SUB1: variants seen among roughly 807,000 people sequenced by gnomAD.
SUB1 encodes the protein activated RNA polymerase II transcriptional coactivator p15.
SUB1 carries 1 observed loss-of-function variant against 16.9 expected under a neutral mutation model. The observed-to-expected ratio is 0.06, with a 90% CI of 0.02 to 0.28. The LOEUF is 0.28. Among genes scored for constraint, SUB1 ranks in the 10% least tolerant of loss-of-function variants. SUB1 has a pLI of 1.00. For synonymous variants in SUB1, 51 were observed against 46.9 expected, an observed-to-expected ratio of 1.09 and a Z score of -0.36; for missense variants, 84 against 145.2, an observed-to-expected ratio of 0.58 and a Z score of 2.16.
At chr5:32,596,304 C>A (rs375072793) in intron 3 of SUB1, 41 of 152,212 alleles carry the variant, frequency 2.7e-4, no homozygotes, top group African/African-American at 9.7e-4. Flanking sequence ...GCCAAGACCC[C>A]TGTGGCTCCA....
intron 3 of SUB1, among the ~76,000 whole-genome samples, chr5:32,593,577 C>T (rs1185260836): frequency 2.0e-5 from 3 of 152,104 alleles, no homozygotes; most frequent in African/African-American, 7.2e-5. Flanking sequence ...TAGGAATTTT[C>T]TCACCAGAAA....
At position 32,588,604 on chromosome 5, in the gene SUB1, G is replaced by A; in HGVS notation, c.72+20G>A. 2 of 1,607,398 alleles carry A rather than the reference G, an allele frequency of 1.2e-6. No individual in the cohort carries two copies. Among genetic ancestry groups the A allele is most frequent in the South Asian group, 1.1e-5 (1 of 90,502 alleles). On this transcript the variant is annotated intron_variant, in intron 2 of 4. Coordinates refer to ENST00000265073, the MANE Select transcript of SUB1 (RefSeq NM_006713.4). ...AAAAAGGTGACTACTGCTGCACCAAGTCATTTTGGTGATACTCAACAATAT... is the reference window on the plus strand; with the variant it reads ...AAAAAGGTGACTACTGCTGCACCAAATCATTTTGGTGATACTCAACAATAT...
intron 3 of SUB1, 104 bp downstream of exon 3, chr5:32,591,789 C>T: frequency 2.3e-6 from 3 of 1,328,132 alleles, no homozygotes; most frequent in South Asian, 1.8e-5. Flanking sequence ...CAACCTCAGC[C>T]TCCTGAGTTC....
At position 32,603,929 on chromosome 5, in the gene SUB1, G is replaced by A. The variant is rs1449378016; in HGVS notation, c.*2845G>A. The A allele has an allele frequency of 6.6e-6, 1 of 151,494 alleles. No individual in the cohort carries two copies. Among genetic ancestry groups the A allele is most frequent in the South Asian group, 2.1e-4 (1 of 4,824 alleles). The allele number at this position is 151,494 out of a possible 1,614,324, so 9.4% of individuals were successfully genotyped here. ...TTAAAAGTGTTTTTCCAGATAAACT[G>A]TAGGGTGAACATTCACATAATCACA... On this transcript the variant is annotated 3_prime_UTR_variant, in exon 5 of 5. Coordinates refer to ENST00000265073, the MANE Select transcript of SUB1 (RefSeq NM_006713.4).
chr5:32,588,569 T>G lies in SUB1; in HGVS notation c.57T>G (p.Ser19Arg), dbSNP rs780323788. ...GCTCTTCTGGCAGTGATTCTGACAG[T>G]GAGGTTGACAAAAAGGTGACTACTG... is the stretch of plus-strand genomic sequence containing the variant. The part of the protein sequence containing the change: ...SSSSSGSDSD[S>R]EVDKKLKRKK... The change falls in exon 2 of 5, where the codon AGT becomes AGG. Residue 19 changes from serine (S) to arginine (R), a missense_variant. Ser to Arg is a moderately radical substitution (Grantham distance 110). Around this residue, in one of 2 missense-constraint regions of SUB1, gnomAD observed 60 missense variants for 64.9 expected, o/e 0.92. Transcript: ENST00000265073. The G allele has an allele frequency of 5.6e-6, 9 of 1,613,370 alleles. No individual in the cohort carries two copies. The highest frequency in any genetic ancestry group is 7.6e-6 in the Non-Finnish European group (9 of 1,179,568).
At chr5:32,587,322 C>G (rs1010443339) in intron 1 of SUB1, among the ~76,000 whole-genome samples, 2 of 152,098 alleles carry the variant, frequency 1.3e-5, no homozygotes, top group Admixed American at 1.3e-4. Context: ...TAGAGGTATC[C>G]ACGTATCTTG....
In SUB1 at chr5:32,588,699, C is replaced by T. The variant is rs145402046; in HGVS notation, c.72+115C>T. ...CTTAAAATGAGGATCTAGCTGGGCG[C>T]GGTGGCTCATGCCTGTTATCCTACT... On this transcript the variant is annotated intron_variant, in intron 2 of 4. Coordinates refer to ENST00000265073, the MANE Select transcript of SUB1 (RefSeq NM_006713.4). 2,438 of 1,069,908 alleles carry T rather than the reference C, an allele frequency of 2.3e-3. 6 individuals carry two copies. The highest frequency in any genetic ancestry group is 2.8e-3 in the Non-Finnish European group (2,135 of 773,036). 66.3% of individuals were successfully genotyped at this position (1,069,908 alleles called of 1,614,324 possible).
intron 3 of SUB1, chr5:32,594,753 C>T (rs1307340540): frequency 4.5e-6 from 1 of 221,024 alleles, no homozygotes; most frequent in Admixed American, 5.2e-5. Context: ...TTCCTTATTC[C>T]TTATGAGAAT....
chr5:32,585,680 G>C (rs971201363), intron 1 of SUB1, 55 bp downstream of exon 1: 1 of 152,346 alleles, frequency 6.6e-6, no homozygotes, highest in Non-Finnish European at 1.5e-5. Flanking sequence ...CCTCCCAGCC[G>C]GGCCGTGAGC....
intron 3 of SUB1, chr5:32,597,805 A>G (rs913111381): frequency 6.6e-6 from 1 of 152,156 alleles, no homozygotes; most frequent in East Asian, 1.9e-4. Flanking sequence ...GTTAACATAT[A>G]TTTGTATGTT....
chr5:32,591,317 GTTAATACTACTATAATGCCTGAAGTGTCT>G, intron 2 of SUB1: 1 of 334,090 alleles, frequency 3.0e-6, no homozygotes, highest in Non-Finnish European at 5.1e-6. Flanking sequence ...CGTTCCTGTG[GTTAATACTACTATAATGCCTGAAGTGTCT>G]TTTGGGATCC....
At chr5:32,587,143 T>C (rs1027159244) in intron 1 of SUB1, among the ~76,000 whole-genome samples, 4 of 152,150 alleles carry the variant, frequency 2.6e-5, no homozygotes, top group African/African-American at 7.2e-5. Context: ...GTGGGAGTTA[T>C]TTATGTGCTA....
At chr5:32,598,568 A>C (rs1739036432) in intron 3 of SUB1, 1 of 160,392 alleles carries the variant, frequency 6.2e-6, no homozygotes, top group Non-Finnish European at 1.4e-5. Flanking sequence ...TTAATACTCC[A>C]TCTTTGTTTA....
intron 2 of SUB1, among the ~76,000 whole-genome samples, chr5:32,589,512 A>C (rs1358526450): frequency 6.6e-6 from 1 of 152,236 alleles, no homozygotes. Context: ...CCTTCCATTT[A>C]ATTAAATCAG....
At position 32,603,593 on chromosome 5, in the gene SUB1, T is replaced by C. The variant is rs1196228020; in HGVS notation, c.*2509T>C. On this transcript the variant is annotated 3_prime_UTR_variant, in exon 5 of 5. Transcript: ENST00000265073. The stretch of plus-strand genomic sequence containing the variant: ...ATTGTCTTTTGCTTTGCTTCATTAA[T>C]GCCTAAGAACTTAAGAATACTCCTA... 3.3e-5 allele frequency: 5 copies of C among 152,210 alleles called. No homozygotes were observed. The highest frequency in any genetic ancestry group is 1.2e-4 in the African/African-American group (5 of 41,470). 9.4% of individuals were successfully genotyped at this position (152,210 alleles called of 1,614,324 possible). A position where few individuals can be genotyped will look rare whatever the true frequency, so the allele number is the denominator to read the frequency against.
chr5:32,602,104 C>G lies in SUB1; in HGVS notation c.*1020C>G, dbSNP rs1336511640. The stretch of plus-strand genomic sequence containing the variant: ...ATGCTTGTGTATTTTGGCCTTTGCC[C>G]CAGTAGAACAGACCAATGGCATTCT... On this transcript the variant is annotated 3_prime_UTR_variant, in exon 5 of 5. Transcript: ENST00000265073. 1.9e-5 allele frequency: 7 copies of G among 375,124 alleles called. No individual in the cohort carries two copies. The East Asian group carries it at 4.7e-4, about 25-fold the overall frequency. The allele number at this position is 375,124 out of a possible 1,614,324, so 23.2% of individuals were successfully genotyped here.
At position 32,591,593 on chromosome 5, in the gene SUB1, A is replaced by C; in HGVS notation, c.103A>C (p.Lys35Gln). 6.2e-7 allele frequency: 1 copy of C among 1,606,870 alleles called. No homozygotes were observed. Among genetic ancestry groups the C allele is most frequent in the Non-Finnish European group, 8.5e-7 (1 of 1,177,596 alleles). ...LKRKKQVAPEKPVKKQKTGET... is the reference protein window; with the variant it reads ...LKRKKQVAPEQPVKKQKTGET... ...GAGGAAAAAGCAAGTTGCTCCAGAA[A>C]AACCTGTAAAGAAACAAAAGACAGG... The change falls in exon 3 of 5, where the codon AAA (lysine) becomes CAA (glutamine). Residue 35 changes from lysine to glutamine, a missense_variant. Around this residue, in one of 2 missense-constraint regions of SUB1, gnomAD observed 60 missense variants for 64.9 expected, o/e 0.92. Coordinates refer to ENST00000265073, the MANE Select transcript of SUB1 (RefSeq NM_006713.4).
rs538087090 is a variant in SUB1 at position 32,589,302 on chromosome 5, G to T, written c.72+718G>T. On this transcript the variant is annotated intron_variant, in intron 2 of 4. Transcript: ENST00000265073. ...AGGTATTGCTGTGTTGCTAAGGCTG[G>T]TCTCAAACTCCTGGCCTCAGGCAAT... Among the ~76,000 whole-genome samples, 7 of 152,162 alleles carry T rather than the reference G, an allele frequency of 4.6e-5. No homozygotes were observed. In the South Asian group the frequency reaches 1.5e-3, roughly 32 times the overall value.
intron 3 of SUB1, 150 bp from the exon 4 acceptor site, chr5:32,598,811 A>G (rs73754678): frequency 0.063 from 36,882 of 585,146 alleles, 4,493 homozygotes; most frequent in African/African-American, 0.39. Flanking sequence ...GGACCTGCAC[A>G]GTTCAGAGCC....
Sources: allele counts gnomAD v4.1 joint callset (sites outside exome capture counted in the v4.1 genomes callset), GRCh38; gene constraint gnomAD v4.1.1; regional missense constraint gnomAD v4.1.1; transcripts MANE v1.5; gene names NCBI Gene and HGNC (gene_info 2026-07-23, HGNC 2026-07-21).